COMMD10: variants seen among roughly 807,000 people sequenced by gnomAD.
The protein encoded by COMMD10 is COMM domain-containing protein 10.
A neutral mutation model predicts 28.9 loss-of-function variants in COMMD10; 33 were observed. That is an observed-to-expected ratio of 1.14 (90% CI 0.87 to 1.53). The LOEUF (loss-of-function observed/expected upper bound fraction) is 1.53. COMMD10 is among the 40% of genes most tolerant of loss of function. COMMD10 has a pLI of 0.00. For synonymous variants in COMMD10, 110 were observed against 81.7 expected (o/e 1.35, Z -1.87); for missense variants, 310 against 233.4 (o/e 1.33, Z -2.14).
chr5:116,191,531 C>T (rs1240565222), intron 5 of COMMD10, among the ~76,000 whole-genome samples: 1 of 151,746 alleles, frequency 6.6e-6, no homozygotes, highest in Admixed American at 6.6e-5. Context: ...TCCCCCACTT[C>T]CCTGACAACC....
At chr5:116,160,365 C>A (rs1265664158) in intron 5 of COMMD10, among the ~76,000 whole-genome samples, 3 of 152,140 alleles carry the variant, frequency 2.0e-5, no homozygotes, top group Non-Finnish European at 4.4e-5. Flanking sequence ...TGGCAATGAG[C>A]TAAATCCATT....
rs1034994411 is a variant in COMMD10, at chr5:116,087,636, T to C, written c.132+49T>C. On this transcript the variant is annotated intron_variant, in intron 2 of 6. Coordinates refer to ENST00000274458, the MANE Select transcript of COMMD10 (RefSeq NM_016144.4). ...CCTTGTAATCTTCCTTCTGATTTAA[T>C]TGAAAGTCTGATTATTTGGAGAACT... is the stretch of plus-strand genomic sequence containing the variant. 7 of 1,276,522 alleles carry C rather than the reference T, an allele frequency of 5.5e-6. No individual in the cohort carries two copies. In the East Asian group the frequency reaches 9.2e-5, roughly 17 times the overall value. The allele number at this position is 1,276,522 out of a possible 1,614,324, so 79.1% of individuals were successfully genotyped here.
intron 5 of COMMD10, among the ~76,000 whole-genome samples, chr5:116,277,078 C>G (rs1347027002): frequency 2.0e-5 from 3 of 151,668 alleles, no homozygotes. Flanking sequence ...AAGTTAAATT[C>G]TCCAGTGTTG....
chr5:116,274,471 C>G (rs760431812), intron 5 of COMMD10, among the ~76,000 whole-genome samples: 1 of 151,704 alleles, frequency 6.6e-6, no homozygotes, highest in Non-Finnish European at 1.5e-5. Context: ...TCAGATTTTT[C>G]CCAAAAGCTG....
chr5:116,263,978 CTT>C (rs1480343813), intron 5 of COMMD10, among the ~76,000 whole-genome samples: 3 of 151,806 alleles, frequency 2.0e-5, no homozygotes, highest in East Asian at 1.9e-4. Context: ...GAGTTTGACT[CTT>C]TTCGTCGACA....
At position 116,138,545 on chromosome 5, in the gene COMMD10, A is replaced by G. The variant is rs187870392; in HGVS notation, c.510+4367A>G. ...TTTTTTCCCCAGTAAATTTCCTGTT[A>G]AAGACAAACCTGTTTTGTTAATACA... On this transcript the variant is annotated intron_variant, in intron 5 of 6. Coordinates refer to ENST00000274458, the MANE Select transcript of COMMD10 (RefSeq NM_016144.4). 8.6e-5 allele frequency among the ~76,000 whole-genome samples: 13 copies of G among 151,892 alleles called. No individual in the cohort carries two copies. In the East Asian group the frequency reaches 2.1e-3, roughly 25 times the overall value.
At chr5:116,085,131 A>T in intron 1 of COMMD10, 38 bp downstream of exon 1, 1 of 1,566,658 alleles carries the variant, frequency 6.4e-7, no homozygotes, top group Non-Finnish European at 8.7e-7. Flanking sequence ...AGCCGCGCCC[A>T]GGAAGGCCCA....
intron 6 of COMMD10, 84 bp from the exon 7 acceptor site, chr5:116,292,367 C>T (rs1418111075): frequency 7.4e-6 from 6 of 811,186 alleles, no homozygotes; most frequent in Non-Finnish European, 1.1e-5. Context: ...TTTTTCCTTT[C>T]TATTTGCATG....
Position 116,266,069 on chromosome 5 carries a change from A to G in COMMD10, c.511-25448A>G, listed in dbSNP as rs1233993608. ...GAGGTGGGGAAGGCCTCCTGGAAGA[A>G]GTGTTTTAGCTGACCCTTAAAAAAG... On this transcript the variant is annotated intron_variant, in intron 5 of 6. Coordinates refer to ENST00000274458, the MANE Select transcript of COMMD10 (RefSeq NM_016144.4). 2.0e-5 allele frequency among the ~76,000 whole-genome samples: 3 copies of G among 151,590 alleles called. No homozygotes were observed. In the East Asian group the frequency reaches 5.8e-4, roughly 29 times the overall value.
rs143449593 is a variant in COMMD10 at position 116,169,802 on chromosome 5, A to G, written c.510+35624A>G. Among the ~76,000 whole-genome samples the G allele has an allele frequency of 7.1e-3, 1,077 of 152,310 alleles. 16 individuals carry two copies. Among genetic ancestry groups the G allele is most frequent in the African/African-American group, 0.025 (1,032 of 41,574 alleles). ...AAAATTCAGCACCTCTTCATGCTAA[A>G]AACACTCAATAAACTAGGTACTGAT... On this transcript the variant is annotated intron_variant, in intron 5 of 6. Transcript: ENST00000274458.
intron 5 of COMMD10, among the ~76,000 whole-genome samples, chr5:116,172,761 G>A (rs1360524139): frequency 2.0e-5 from 3 of 152,080 alleles, no homozygotes; most frequent in Admixed American, 6.6e-5. Flanking sequence ...CATAGATGTG[G>A]GTTAAAATTA....
At chr5:116,234,946 CAG>C (rs1469529196) in intron 5 of COMMD10, among the ~76,000 whole-genome samples, 5 of 152,278 alleles carry the variant, frequency 3.3e-5, no homozygotes, top group Middle Eastern at 3.4e-3. Context: ...GCAGTCTCTT[CAG>C]AGTCTGACAC....
intron 5 of COMMD10, among the ~76,000 whole-genome samples, chr5:116,152,792 A>G (rs992720068): frequency 5.9e-5 from 9 of 152,026 alleles, no homozygotes; most frequent in Non-Finnish European, 2.9e-5. Flanking sequence ...GATTGTAATT[A>G]TGTGTTGACC....
chr5:116,173,903 C>G (rs1465507520), intron 5 of COMMD10, among the ~76,000 whole-genome samples: 1 of 149,214 alleles, frequency 6.7e-6, no homozygotes, highest in Non-Finnish European at 1.5e-5. Context: ...GAATTCATTC[C>G]TTAATTCTTT....
chr5:116,100,735 A>G (rs1298487523), intron 4 of COMMD10, among the ~76,000 whole-genome samples: 3 of 151,856 alleles, frequency 2.0e-5, no homozygotes, highest in South Asian at 2.1e-4. Flanking sequence ...GGATTTTAAA[A>G]TTTCATCTCA....
At chr5:116,102,798 T>A (rs920214469) in intron 4 of COMMD10, among the ~76,000 whole-genome samples, 1 of 152,180 alleles carries the variant, frequency 6.6e-6, no homozygotes, top group Admixed American at 6.5e-5. Flanking sequence ...GTATTTCTCC[T>A]AATGCTATCC....
chr5:116,086,184 T>C (rs1466146212), intron 1 of COMMD10, among the ~76,000 whole-genome samples: 1 of 152,220 alleles, frequency 6.6e-6, no homozygotes, highest in Non-Finnish European at 1.5e-5. Context: ...CTATGCCATA[T>C]GGAGAGGACA....
At chr5:116,239,587 A>T (rs1010268898) in intron 5 of COMMD10, among the ~76,000 whole-genome samples, 2 of 152,168 alleles carry the variant, frequency 1.3e-5, no homozygotes, top group Admixed American at 1.3e-4. Flanking sequence ...CTTTGCAGGT[A>T]ATGCCAACTT....
chr5:116,222,554 G>GATA (rs1749289230), intron 5 of COMMD10, among the ~76,000 whole-genome samples: 1 of 152,064 alleles, frequency 6.6e-6, no homozygotes, highest in Non-Finnish European at 1.5e-5. Context: ...TTTTATGAGG[G>GATA]AATTTAATGT....
Sources: gnomAD v4.1 joint callset for allele counts (sites outside exome capture counted in the v4.1 genomes callset) on GRCh38, gnomAD v4.1.1 for gene constraint, MANE v1.5 for transcripts, NCBI Gene and HGNC (gene_info 2026-07-23, HGNC 2026-07-21) for gene names.